Variants in CFAP97D2 observed in about 807,000 individuals in gnomAD.
CFAP97D2 encodes the protein uncharacterized protein CFAP97D2.
At chr13:114,221,388 A>T (rs2081021467) in intron 4 of CFAP97D2, among the ~76,000 whole-genome samples, 1 of 152,286 alleles carries the variant, frequency 6.6e-6, no homozygotes, top group Admixed American at 6.5e-5. Flanking sequence ...CGGGAAAAGT[A>T]CTTTGCTGCA....
At chr13:114,196,879 C>A (rs2080889985) in intron 2 of CFAP97D2, among the ~76,000 whole-genome samples, 1 of 152,302 alleles carries the variant, frequency 6.6e-6, no homozygotes, top group South Asian at 2.1e-4. Flanking sequence ...ACATTGGTTT[C>A]GTCCAGAAAG....
chr13:114,216,283 T>C (rs1256088591), intron 4 of CFAP97D2, among the ~76,000 whole-genome samples: 2 of 152,184 alleles, frequency 1.3e-5, no homozygotes, highest in Non-Finnish European at 2.9e-5. Flanking sequence ...CATCATTTTA[T>C]TTTTTACTTA....
intron 4 of CFAP97D2, among the ~76,000 whole-genome samples, chr13:114,214,778 A>T (rs2080986214): frequency 6.6e-6 from 1 of 152,222 alleles, no homozygotes; most frequent in South Asian, 2.1e-4. Context: ...ACAAAAATGG[A>T]GTCCTACTCT....
rs931189963 is a variant in CFAP97D2, at chr13:114,211,163, G to A, written c.291-749G>A. ...TGGGTTCTTTACTTCGTGCTCCTCT[G>A]TGCTCCACAGCCAGGGTCAAACCCC... On this transcript the variant is annotated intron_variant, in intron 3 of 4. Transcript: ENST00000646158. This position sits in a 1 kb window ranked among gnomAD's most constrained non-coding sequence, Gnocchi z 4.2. Among the ~76,000 whole-genome samples, 1 of 152,078 alleles carries A rather than the reference G, an allele frequency of 6.6e-6. No homozygotes were observed. The highest frequency in any genetic ancestry group is 2.4e-5 in the African/African-American group (1 of 41,398).
intron 4 of CFAP97D2, among the ~76,000 whole-genome samples, chr13:114,220,869 C>T (rs969562468): frequency 9.9e-5 from 15 of 152,258 alleles, no homozygotes; most frequent in African/African-American, 2.7e-4. Context: ...GAGCCCCATT[C>T]TCGCTTCTAA....
chr13:114,210,855 T>TACACACACACACACAC (rs34230424), intron 3 of CFAP97D2, among the ~76,000 whole-genome samples: 48 of 144,970 alleles, frequency 3.3e-4, no homozygotes, highest in Middle Eastern at 3.6e-3. Flanking sequence ...ATTTCATTGA[T>TACACACACACACACAC]ACACACACAC....
intron 4 of CFAP97D2, among the ~76,000 whole-genome samples, chr13:114,218,859 C>T (rs1419398532): frequency 6.6e-6 from 1 of 152,170 alleles, no homozygotes; most frequent in Non-Finnish European, 1.5e-5. Context: ...TTCCTTACAC[C>T]TTATACAAAA....
rs1310748729 is a variant in CFAP97D2, at chr13:114,196,454, A to T, written c.149A>T (p.His50Leu). The T allele has an allele frequency of 9.3e-5, 37 of 399,448 alleles. No homozygotes were observed. In the East Asian group the frequency reaches 1.2e-3, roughly 13 times the overall value. 24.7% of individuals were successfully genotyped at this position (399,448 alleles called of 1,614,324 possible). Reference sequence around the variant, plus strand: ...GCCCCGCTGACGTTCCGCCATCTCCACCTGAAACTCAAGAGGCTGAAGGTA... The same window carrying T: ...GCCCCGCTGACGTTCCGCCATCTCCTCCTGAAACTCAAGAGGCTGAAGGTA... Residue 50 changes from histidine (H) to leucine (L), a missense_variant, in exon 2 of 5, where the codon CAC (histidine) becomes CTC (leucine). His to Leu is a moderately conservative substitution (Grantham distance 99, BLOSUM62 -3). Coordinates refer to ENST00000646158, the Ensembl canonical transcript of CFAP97D2.
At chr13:114,206,224 T>G (rs2080939602) in intron 3 of CFAP97D2, among the ~76,000 whole-genome samples, 1 of 150,514 alleles carries the variant, frequency 6.6e-6, no homozygotes, top group African/African-American at 2.4e-5. Flanking sequence ...TGCCTCAGCC[T>G]CCCGAGTAGC....
intron 3 of CFAP97D2, among the ~76,000 whole-genome samples, chr13:114,206,228 G>C (rs188853801): frequency 6.6e-6 from 1 of 150,658 alleles, no homozygotes; most frequent in Middle Eastern, 3.2e-3. Context: ...TCAGCCTCCC[G>C]AGTAGCTGGG....
intron 1 of CFAP97D2, among the ~76,000 whole-genome samples, chr13:114,180,347 G>T (rs1218967113): frequency 1.3e-5 from 2 of 152,118 alleles, no homozygotes; most frequent in Non-Finnish European, 2.9e-5. Context: ...TGGGCTGCAG[G>T]TCACACTCAT....
At chr13:114,191,174 T>C (rs932764198) in intron 1 of CFAP97D2, among the ~76,000 whole-genome samples, 8 of 152,164 alleles carry the variant, frequency 5.3e-5, no homozygotes, top group African/African-American at 1.4e-4. Context: ...AGTATGGGAA[T>C]GACTTTTTTT....
chr13:114,184,000 C>T (rs753847457), intron 1 of CFAP97D2, among the ~76,000 whole-genome samples: 7 of 151,956 alleles, frequency 4.6e-5, no homozygotes, highest in South Asian at 2.1e-4. Flanking sequence ...AAAATTTAAA[C>T]GTTAGCTGGG....
chr13:114,195,070 G>A (rs918328965), intron 1 of CFAP97D2, among the ~76,000 whole-genome samples: 3 of 151,954 alleles, frequency 2.0e-5, no homozygotes, highest in Admixed American at 1.3e-4. Flanking sequence ...CATGTACACC[G>A]CACCTGGGCC....
At chr13:114,182,451 C>T (rs7324906) in intron 1 of CFAP97D2, among the ~76,000 whole-genome samples, 91,898 of 149,658 alleles carry the variant, frequency 0.61, 29,532 homozygotes, top group African/African-American at 0.82. Flanking sequence ...TGCAAGAGGC[C>T]TTCCTCTTTT....
At chr13:114,190,384 C>T (rs1162734463) in intron 1 of CFAP97D2, among the ~76,000 whole-genome samples, 2 of 143,450 alleles carry the variant, frequency 1.4e-5, no homozygotes, top group Non-Finnish European at 3.0e-5. Flanking sequence ...ATGACATGAT[C>T]ATCTATGTAG....
At chr13:114,208,890 G>A (rs1388387645) in intron 3 of CFAP97D2, among the ~76,000 whole-genome samples, 2 of 152,170 alleles carry the variant, frequency 1.3e-5, no homozygotes, top group African/African-American at 4.8e-5. Flanking sequence ...GAAACCACAA[G>A]ATGCGAGTTC....
chr13:114,201,338 C>T (rs1424355984), intron 3 of CFAP97D2, among the ~76,000 whole-genome samples: 7 of 152,282 alleles, frequency 4.6e-5, no homozygotes, highest in Admixed American at 2.6e-4. Context: ...CTGTACCTAT[C>T]CCCAAGAAGC....
At chr13:114,195,343 A>G (rs922169757) in intron 1 of CFAP97D2, among the ~76,000 whole-genome samples, 1 of 152,132 alleles carries the variant, frequency 6.6e-6, no homozygotes, top group African/African-American at 2.4e-5. Flanking sequence ...ACACGTCTCC[A>G]TCTGCCCCTT....
Sources: gnomAD v4.1 joint callset for allele counts (sites outside exome capture counted in the v4.1 genomes callset) on GRCh38, gnomAD v4.1.1 for gene constraint, Gnocchi (gnomAD v3.1) non-coding constraint, MANE v1.5 for transcripts, NCBI Gene and HGNC (gene_info 2026-07-23, HGNC 2026-07-21) for gene names.